PHKB: variants seen among roughly 807,000 people sequenced by gnomAD.
The protein encoded by PHKB is phosphorylase b kinase regulatory subunit beta.
In PHKB, 122 loss-of-function variants were observed where a neutral mutation model predicts 152.1. That is an observed-to-expected ratio of 0.80 (90% confidence interval 0.69 to 0.93). The LOEUF is 0.93. PHKB is among the 40% of genes least tolerant of loss of function. The pLI, the probability that PHKB is intolerant of heterozygous loss-of-function variation, is 0.00. For missense variants in PHKB, 1,304 were observed against 1,328.4 expected, an observed-to-expected ratio of 0.98 and a Z score of 0.29; for synonymous variants, 436 against 464.9, an observed-to-expected ratio of 0.94 and a Z score of 0.80.
intron 14 of PHKB, among the ~76,000 whole-genome samples, chr16:47,620,378 T>G (rs1004246512): frequency 6.6e-6 from 1 of 152,234 alleles, no homozygotes; most frequent in African/African-American, 2.4e-5. Context: ...TAGCAGTTGT[T>G]GTTACTTGTA....
chr16:47,567,301 A>G (rs924703346), intron 7 of PHKB, among the ~76,000 whole-genome samples: 4 of 150,970 alleles, frequency 2.6e-5, no homozygotes, highest in Non-Finnish European at 5.9e-5. Flanking sequence ...TTTTCTTCGC[A>G]ACTATTGTAA....
At chr16:47,488,408 T>C (rs911566993) in intron 1 of PHKB, among the ~76,000 whole-genome samples, 1 of 152,232 alleles carries the variant, frequency 6.6e-6, no homozygotes, top group Non-Finnish European at 1.5e-5. Context: ...GCTCTATCGG[T>C]AGTTTCTTTT....
intron 20 of PHKB, among the ~76,000 whole-genome samples, chr16:47,659,121 A>C (rs1279297532): frequency 1.3e-5 from 2 of 152,204 alleles, no homozygotes; most frequent in African/African-American, 4.8e-5. Context: ...GACTATAGCC[A>C]GGCTAGTAAA....
At chr16:47,658,877 A>G (rs537186441) in intron 20 of PHKB, among the ~76,000 whole-genome samples, 15 of 151,472 alleles carry the variant, frequency 9.9e-5, no homozygotes, top group Middle Eastern at 6.8e-3. Flanking sequence ...TATCCCCTAC[A>G]CATACCTATA....
At chr16:47,654,806 G>A (rs1401706238) in intron 20 of PHKB, among the ~76,000 whole-genome samples, 5 of 146,518 alleles carry the variant, frequency 3.4e-5, no homozygotes, top group Non-Finnish European at 6.0e-5. Context: ...CTGTTGTGTG[G>A]TGGGGGGAGG....
intron 4 of PHKB, among the ~76,000 whole-genome samples, chr16:47,505,228 G>C (rs927790313): frequency 3.9e-5 from 6 of 152,172 alleles, no homozygotes; most frequent in African/African-American, 1.2e-4. Flanking sequence ...TGTGGAGCCG[G>C]GTATGGAATG....
In PHKB at chr16:47,589,083, A is replaced by G. The variant is rs748684773; in HGVS notation, c.1049A>G (p.Tyr350Cys). Reference sequence around the variant, plus strand: ...TTGGAAGATCCCAACAGATGCTACTACAAGCCAGCTGAAATTAAGGTATTA... The same window carrying G: ...TTGGAAGATCCCAACAGATGCTACTGCAAGCCAGCTGAAATTAAGGTATTA... ...TSLEDPNRCY[Y>C]KPAEIKLFDG... is the part of the protein sequence containing the mutation. Residue 350 changes from tyrosine to cysteine, a missense_variant, in exon 10 of 31, where the codon TAC (tyrosine) becomes TGC (cysteine). By Grantham distance (194) the Tyr-to-Cys change is radical. Coordinates refer to ENST00000323584, the MANE Select transcript of PHKB (RefSeq NM_000293.3). 1 of 1,611,830 alleles carries G rather than the reference A, an allele frequency of 6.2e-7. No individual in the cohort carries two copies. Among genetic ancestry groups the G allele is most frequent in the East Asian group, 2.2e-5 (1 of 44,862 alleles).
At chr16:47,507,316 C>G (rs1970437103) in intron 4 of PHKB, among the ~76,000 whole-genome samples, 1 of 150,800 alleles carries the variant, frequency 6.6e-6, no homozygotes, top group South Asian at 2.1e-4. Context: ...AAAGGATTAT[C>G]ATTTTTTTTT....
intron 13 of PHKB, among the ~76,000 whole-genome samples, chr16:47,609,080 T>C (rs1404141932): frequency 6.6e-6 from 1 of 152,226 alleles, no homozygotes; most frequent in Non-Finnish European, 1.5e-5. Flanking sequence ...CATTTTCTTC[T>C]GTTCCTACTT....
chr16:47,624,039 A>G (rs1210754845), intron 14 of PHKB, among the ~76,000 whole-genome samples: 2 of 152,216 alleles, frequency 1.3e-5, no homozygotes, highest in Non-Finnish European at 2.9e-5. Context: ...CTACATATTC[A>G]TATAATTCCT....
rs1971980794 is a variant in PHKB, at chr16:47,588,912, ATGCTGCCC to A, written c.883_890del (p.Ala295ProfsTer12). On this transcript the variant is annotated frameshift_variant, in exon 10 of 31. Transcript: ENST00000323584. LOFTEE classifies it high-confidence loss of function. ...CTTTCTCATTGCCTCCAGAATACAG[ATGCTGCCC>A]TGCTCCCCTGCATCAGTTATCCTGC... The A allele has an allele frequency of 1.2e-6, 2 of 1,613,668 alleles. No homozygotes were observed. The highest frequency in any genetic ancestry group is 2.2e-5 in the East Asian group (1 of 44,864).
chr16:47,465,000 T>C (rs1969643169), intron 1 of PHKB, among the ~76,000 whole-genome samples: 1 of 152,202 alleles, frequency 6.6e-6, no homozygotes, highest in Non-Finnish European at 1.5e-5. Context: ...TTCATTCATT[T>C]TCGTTTATAT....
At chr16:47,548,422 C>CA (rs1471793025) in intron 7 of PHKB, among the ~76,000 whole-genome samples, 3 of 152,078 alleles carry the variant, frequency 2.0e-5, no homozygotes, top group Non-Finnish European at 2.9e-5. Context: ...GCGTGGCCAA[C>CA]ATGGTGAAAC....
At chr16:47,592,273 T>C (rs1270517905) in intron 10 of PHKB, among the ~76,000 whole-genome samples, 1 of 152,210 alleles carries the variant, frequency 6.6e-6, no homozygotes, top group Non-Finnish European at 1.5e-5. Flanking sequence ...GTAAATTTGA[T>C]CCTGCTGAGT....
chr16:47,698,156 T>C (rs188468711), intron 29 of PHKB, among the ~76,000 whole-genome samples: 12 of 152,310 alleles, frequency 7.9e-5, no homozygotes, highest in Admixed American at 7.2e-4. Context: ...GTGAATAGGG[T>C]ATCATGTATT....
At chr16:47,687,929 G>A (rs187583946) in intron 26 of PHKB, among the ~76,000 whole-genome samples, 1 of 152,304 alleles carries the variant, frequency 6.6e-6, no homozygotes, top group East Asian at 1.9e-4. Flanking sequence ...TCTACATTGA[G>A]AGACATTAGT....
At position 47,699,257 on chromosome 16, in the gene PHKB, C is replaced by G; in HGVS notation, c.3173C>G (p.Pro1058Arg). 1 of 1,613,952 alleles carries G rather than the reference C, an allele frequency of 6.2e-7. No homozygotes were observed. The highest frequency in any genetic ancestry group is 8.5e-7 in the Non-Finnish European group (1 of 1,179,832). ...GACATGACTTCCTTTTACAACACTC[C>G]TCCCCTGGGAAAAAGAGGAACATGC... ...QDDMTSFYNTPPLGKRGTCSY... is the reference protein window; with the variant it reads ...QDDMTSFYNTRPLGKRGTCSY... Residue 1058 changes from proline to arginine, a missense_variant, in exon 31 of 31, where the codon CCT becomes CGT. Transcript: ENST00000323584.
At chr16:47,635,140 A>G (rs1972895603) in intron 14 of PHKB, among the ~76,000 whole-genome samples, 1 of 152,176 alleles carries the variant, frequency 6.6e-6, no homozygotes, top group Non-Finnish European at 1.5e-5. Context: ...GGTAGAGCCA[A>G]TACGAGTTCT....
chr16:47,466,820 T>G (rs1427297395), intron 1 of PHKB, among the ~76,000 whole-genome samples: 3 of 152,186 alleles, frequency 2.0e-5, no homozygotes, highest in African/African-American at 7.2e-5. Flanking sequence ...CGTCAACTAA[T>G]CAAAAAGATT....
Sources: gnomAD v4.1 joint callset for allele counts (sites outside exome capture counted in the v4.1 genomes callset) on GRCh38, gnomAD v4.1.1 for gene constraint, MANE v1.5 for transcripts, NCBI Gene and HGNC (gene_info 2026-07-23, HGNC 2026-07-21) for gene names.